Variants in FGF12 observed in about 807,000 individuals in gnomAD.
The protein encoded by FGF12 is fibroblast growth factor 12B.
Under a neutral mutation model 23.6 loss-of-function variants are expected in FGF12, and 14 were observed. The observed-to-expected ratio is 0.59, with a 90% CI of 0.39 to 0.93. The LOEUF (loss-of-function observed/expected upper bound fraction) is 0.93, where lower values mean the gene tolerates loss of function less well. FGF12 is among the 40% of genes least tolerant of loss of function. FGF12 has a pLI of 0.00. For synonymous variants in FGF12, 62 were observed against 77.3 expected (o/e 0.80, Z 1.04); for missense variants, 175 against 217.8 (o/e 0.80, Z 1.24).
chr3:192,588,578 T>C (rs1272768031), intron 2 of FGF12, among the ~76,000 whole-genome samples: 1 of 151,890 alleles, frequency 6.6e-6, no homozygotes, highest in Non-Finnish European at 1.5e-5. Flanking sequence ...ATGCTAATTT[T>C]TGTGTTTTAG....
At chr3:192,706,682 C>T (rs920457551) in intron 2 of FGF12, among the ~76,000 whole-genome samples, 3 of 152,158 alleles carry the variant, frequency 2.0e-5, no homozygotes, top group Non-Finnish European at 4.4e-5. Context: ...AGATATTTAC[C>T]TCCGCTTACA....
chr3:192,696,663 T>G (rs1160184975), intron 2 of FGF12, among the ~76,000 whole-genome samples: 1 of 152,120 alleles, frequency 6.6e-6, no homozygotes, highest in East Asian at 1.9e-4. Context: ...AGGCTAATTC[T>G]CTATTTCCTT....
At chr3:192,384,231 G>A (rs528508979) in intron 2 of FGF12, among the ~76,000 whole-genome samples, 36 of 152,078 alleles carry the variant, frequency 2.4e-4, no homozygotes, top group Non-Finnish European at 2.5e-4. Context: ...GAAGTGAGAG[G>A]TAAAGAAAAG....
At chr3:192,475,972 T>G (rs187306727) in intron 2 of FGF12, among the ~76,000 whole-genome samples, 22 of 151,864 alleles carry the variant, frequency 1.4e-4, no homozygotes. Context: ...TAGGCAGATA[T>G]ATAAAATATT....
intron 2 of FGF12, among the ~76,000 whole-genome samples, chr3:192,550,400 T>C (rs1266926151): frequency 6.7e-6 from 1 of 149,736 alleles, no homozygotes; most frequent in Non-Finnish European, 1.5e-5. Context: ...TAATTACATA[T>C]ATTACATATA....
chr3:192,187,060 T>C (rs1336487841), intron 4 of FGF12, among the ~76,000 whole-genome samples: 1 of 152,188 alleles, frequency 6.6e-6, no homozygotes, highest in African/African-American at 2.4e-5. Flanking sequence ...TCTCTTAACT[T>C]GAAGCCAAGT....
chr3:192,467,534 G>A (rs1358498169), intron 2 of FGF12, among the ~76,000 whole-genome samples: 1 of 146,364 alleles, frequency 6.8e-6, no homozygotes, highest in Non-Finnish European at 1.5e-5. Flanking sequence ...AAACGTGGAA[G>A]GTTATATGGA....
At chr3:192,495,107 C>T (rs924576635) in intron 2 of FGF12, among the ~76,000 whole-genome samples, 7 of 152,158 alleles carry the variant, frequency 4.6e-5, no homozygotes, top group Admixed American at 4.6e-4. Context: ...GATCCACCCA[C>T]CTCAGCCTCC....
intron 2 of FGF12, among the ~76,000 whole-genome samples, chr3:192,575,663 T>C (rs1712845926): frequency 6.6e-6 from 1 of 152,094 alleles, no homozygotes; most frequent in African/African-American, 2.4e-5. Context: ...GCTTTTTTTT[T>C]GCATTTAGGT....
At chr3:192,598,651 G>A (rs1421594698) in intron 2 of FGF12, among the ~76,000 whole-genome samples, 1 of 152,274 alleles carries the variant, frequency 6.6e-6, no homozygotes, top group East Asian at 1.9e-4. Context: ...ACAGCTAAAA[G>A]TCTGCATTTC....
intron 2 of FGF12, among the ~76,000 whole-genome samples, chr3:192,536,465 A>G (rs1725224445): frequency 6.6e-6 from 1 of 152,216 alleles, no homozygotes; most frequent in Non-Finnish European, 1.5e-5. Context: ...ATGTGTGAAG[A>G]CAAATAACAC....
intron 3 of FGF12, among the ~76,000 whole-genome samples, chr3:192,338,048 C>T (rs1354977396): frequency 6.6e-6 from 1 of 152,020 alleles, no homozygotes; most frequent in Non-Finnish European, 1.5e-5. Context: ...TAGAGTTAAC[C>T]CAGGGGAAAA....
intron 2 of FGF12, among the ~76,000 whole-genome samples, chr3:192,539,451 T>C (rs897535945): frequency 6.6e-6 from 1 of 152,212 alleles, no homozygotes; most frequent in Non-Finnish European, 1.5e-5. Context: ...ATTGATTGAT[T>C]TGTGTATGCT....
chr3:192,222,280 C>CGACTCTATTGAAGA (rs145947884), intron 4 of FGF12, among the ~76,000 whole-genome samples: 13 of 152,028 alleles, frequency 8.6e-5, no homozygotes, highest in Non-Finnish European at 1.8e-4. Context: ...TCTTAACAGC[C>CGACTCTATTGAAGA]GACTCTATTG....
intron 2 of FGF12, among the ~76,000 whole-genome samples, chr3:192,620,096 C>T (rs756696812): frequency 2.6e-5 from 4 of 152,114 alleles, no homozygotes; most frequent in Admixed American, 6.5e-5. Flanking sequence ...GGTTCACTCC[C>T]ATTGGCATCC....
intron 2 of FGF12, among the ~76,000 whole-genome samples, chr3:192,701,903 C>A (rs1299618315): frequency 1.3e-5 from 2 of 152,064 alleles, no homozygotes; most frequent in African/African-American, 4.8e-5. Context: ...TTAGCAAATT[C>A]CCAGTATATA....
rs924375732 is a variant in FGF12 at position 192,142,651 on chromosome 3, A to C, written c.*1358T>G. 1.3e-5 allele frequency: 2 copies of C among 152,102 alleles called. No individual in the cohort carries two copies. The highest frequency in any genetic ancestry group is 1.3e-4 in the Admixed American group (2 of 15,250). 9.4% of individuals were successfully genotyped at this position (152,102 alleles called of 1,614,324 possible). A position where few individuals can be genotyped will look rare whatever the true frequency, so the allele number is the denominator to read the frequency against. On this transcript the variant is annotated 3_prime_UTR_variant, in exon 6 of 6. Transcript: ENST00000445105. ...TAACTATGTATGTGCCTTCTCTTAC[A>C]CTGAGTTCTTTTTTGCTCCTTTCAG... is the stretch of plus-strand genomic sequence containing the variant.
Position 192,235,332 on chromosome 3 carries a change from G to A in FGF12, c.229-64676C>T, listed in dbSNP as rs536951159. ...AGATTTCTGGTTGTTTTTTTGAGAC[G>A]GAGTCTCCCTGGGTCGCCAGGCTAC... On this transcript the variant is annotated intron_variant, in intron 4 of 5. Coordinates refer to ENST00000445105, the MANE Select transcript of FGF12 (RefSeq NM_004113.6). 1.6e-3 allele frequency among the ~76,000 whole-genome samples: 246 copies of A among 152,016 alleles called. 2 individuals are homozygous for A. Among genetic ancestry groups the A allele is most frequent in the African/African-American group, 5.6e-3 (233 of 41,468 alleles).
At chr3:192,414,627 A>G (rs1343744246) in intron 2 of FGF12, among the ~76,000 whole-genome samples, 1 of 152,200 alleles carries the variant, frequency 6.6e-6, no homozygotes, top group Non-Finnish European at 1.5e-5. Flanking sequence ...CAGTTTCACA[A>G]GCTGAGACTC....
Sources: gnomAD v4.1 joint callset for allele counts (sites outside exome capture counted in the v4.1 genomes callset) on GRCh38, gnomAD v4.1.1 for gene constraint, MANE v1.5 for transcripts, NCBI Gene and HGNC (gene_info 2026-07-23, HGNC 2026-07-21) for gene names.